Variants in SEPTIN9 observed in about 807,000 individuals in gnomAD.
The protein encoded by SEPTIN9 is septin 9.
In SEPTIN9, 13 loss-of-function variants were observed where a neutral mutation model predicts 56.6. That is an observed-to-expected ratio of 0.23 (90% CI 0.15 to 0.37). The LOEUF (loss-of-function observed/expected upper bound fraction) is 0.37. SEPTIN9 is among the 10% of genes least tolerant of loss of function. The pLI is 1.00. For synonymous variants in SEPTIN9, 332 were observed against 334.1 expected (o/e 0.99, Z 0.07); for missense variants, 650 against 823.1 (o/e 0.79, Z 2.57).
chr17:77,445,428 G>C lies in SEPTIN9; in HGVS notation c.722-36716G>C, dbSNP rs2037701668. ...GGAAAAGAGTTGGCAGGAAGGCTGAGCTCTGTGCTCACAACCTGGCTTGGT... is the reference window on the plus strand; with the variant it reads ...GGAAAAGAGTTGGCAGGAAGGCTGACCTCTGTGCTCACAACCTGGCTTGGT... On this transcript the variant is annotated intron_variant, in intron 3 of 11. Coordinates refer to ENST00000427177, the MANE Select transcript of SEPTIN9 (RefSeq NM_001113491.2). This position sits in a 1 kb window ranked among gnomAD's most constrained non-coding sequence, Gnocchi z 4.7. The C allele has an allele frequency of 2.1e-6, 1 of 469,948 alleles. No homozygotes were observed. The allele number at this position is 469,948 out of a possible 1,614,324, so 29.1% of individuals were successfully genotyped here.
intron 2 of SEPTIN9, among the ~76,000 whole-genome samples, chr17:77,360,195 G>A (rs1353148017): frequency 6.7e-6 from 1 of 149,952 alleles, no homozygotes. Flanking sequence ...GGCCAGGTCT[G>A]TAGCCACATG....
rs371053103 is a variant in SEPTIN9, at chr17:77,297,567, C to T, written c.20-9574C>T. Among the ~76,000 whole-genome samples, 20 of 152,336 alleles carry T rather than the reference C, an allele frequency of 1.3e-4. No homozygotes were observed. In the East Asian group the frequency reaches 3.3e-3, roughly 25 times the overall value. ...AGAATCGTGGTTGCATGGTGATGGT[C>T]TCCATCCCGTCTAAAGAAGTTGAAG... On this transcript the variant is annotated intron_variant, in intron 1 of 11. Transcript: ENST00000427177.
intron 1 of SEPTIN9, among the ~76,000 whole-genome samples, chr17:77,301,835 AGAG>A (rs1367077133): frequency 1.3e-5 from 2 of 152,238 alleles, no homozygotes; most frequent in East Asian, 3.8e-4. Context: ...GACTTTTGAT[AGAG>A]GAGAGACTGT....
intron 2 of SEPTIN9, among the ~76,000 whole-genome samples, chr17:77,393,658 C>T (rs890144725): frequency 6.6e-6 from 1 of 152,176 alleles, no homozygotes; most frequent in Non-Finnish European, 1.5e-5. Flanking sequence ...GGCACAATCT[C>T]GGCTCACCAC....
chr17:77,395,485 C>T (rs1485215008), intron 2 of SEPTIN9, among the ~76,000 whole-genome samples: 7 of 149,416 alleles, frequency 4.7e-5, no homozygotes, highest in Non-Finnish European at 8.9e-5. Context: ...GCCGAGATTG[C>T]GCCACTGCAC....
intron 2 of SEPTIN9, among the ~76,000 whole-genome samples, chr17:77,335,508 ATATG>A (rs1428052109): frequency 3.3e-5 from 5 of 150,890 alleles, no homozygotes; most frequent in African/African-American, 7.3e-5. Flanking sequence ...TGTTGACTGT[ATATG>A]TAGTCCTATA....
At position 77,421,043 on chromosome 17, in the gene SEPTIN9, G is replaced by T. The variant is rs2036682982; in HGVS notation, c.721+18340G>T. On this transcript the variant is annotated intron_variant, in intron 3 of 11. Transcript: ENST00000427177. The surrounding 1 kb of genome is among the most constrained non-coding windows in gnomAD (Gnocchi z 4.6). ...GCTGCTGAGCTGTCCTGGAGACGGG[G>T]TACTGTGCAGTGGTCGGGGTAGGGG... 1.3e-5 allele frequency among the ~76,000 whole-genome samples: 2 copies of T among 152,192 alleles called. No individual in the cohort carries two copies. Among genetic ancestry groups the T allele is most frequent in the African/African-American group, 4.8e-5 (2 of 41,444 alleles).
At chr17:77,414,059 A>G (rs1332598305) in intron 3 of SEPTIN9, among the ~76,000 whole-genome samples, 1 of 148,870 alleles carries the variant, frequency 6.7e-6, no homozygotes, top group African/African-American at 2.5e-5. Context: ...GTAAGCTACT[A>G]TACAATCCAC....
intron 2 of SEPTIN9, among the ~76,000 whole-genome samples, chr17:77,372,907 G>T (rs2034766557): frequency 6.6e-6 from 1 of 152,236 alleles, no homozygotes; most frequent in Non-Finnish European, 1.5e-5. Context: ...CAGAGCGCGC[G>T]GCGGCGGTGA....
chr17:77,310,959 G>A lies in SEPTIN9; in HGVS notation c.76+3762G>A, dbSNP rs531193991. Among the ~76,000 whole-genome samples the A allele has an allele frequency of 2.0e-5, 3 of 152,220 alleles. No homozygotes were observed. The highest frequency in any genetic ancestry group is 2.1e-4 in the South Asian group (1 of 4,820). On this transcript the variant is annotated intron_variant, in intron 2 of 11. Coordinates refer to ENST00000427177, the MANE Select transcript of SEPTIN9 (RefSeq NM_001113491.2). This position sits in a 1 kb window ranked among gnomAD's most constrained non-coding sequence, Gnocchi z 4.7. ...CATCCCTTCTGTCCTAGGTTGAACC[G>A]TGTCCCCCACAAACTCATGTCCACC...
In SEPTIN9 at chr17:77,323,178, G is replaced by T. The variant is rs988298717; in HGVS notation, c.76+15981G>T. On this transcript the variant is annotated intron_variant, in intron 2 of 11. Transcript: ENST00000427177. The surrounding 1 kb of genome is among the most constrained non-coding windows in gnomAD (Gnocchi z 6.8). ...TGAACGGGGGCCTGGGTACTCTCCCGCCCTCCCTGGGGGCTGTGGCCTTCC... is the reference window on the plus strand; with the variant it reads ...TGAACGGGGGCCTGGGTACTCTCCCTCCCTCCCTGGGGGCTGTGGCCTTCC... 6.6e-6 allele frequency among the ~76,000 whole-genome samples: 1 copy of T among 152,120 alleles called. No individual in the cohort carries two copies. Among genetic ancestry groups the T allele is most frequent in the African/African-American group, 2.4e-5 (1 of 41,414 alleles).
chr17:77,292,324 C>G (rs1020429268), intron 1 of SEPTIN9, among the ~76,000 whole-genome samples: 4 of 152,164 alleles, frequency 2.6e-5, no homozygotes, highest in Non-Finnish European at 5.9e-5. Context: ...ATGGCACATC[C>G]CTGTGTTATA....
intron 3 of SEPTIN9, among the ~76,000 whole-genome samples, chr17:77,439,152 C>G (rs908488728): frequency 2.0e-5 from 3 of 152,160 alleles, no homozygotes; most frequent in Admixed American, 1.3e-4. Flanking sequence ...CAGAGTCATG[C>G]TGGAATATCA....
At position 77,431,522 on chromosome 17, in the gene SEPTIN9, A is replaced by T. The variant is rs186454189; in HGVS notation, c.721+28819A>T. ...CTTATTAATTTGTTTTGAACTAAAGATGGTTTTCTCTGCTTTGTATGAGAA... is the reference window on the plus strand; with the variant it reads ...CTTATTAATTTGTTTTGAACTAAAGTTGGTTTTCTCTGCTTTGTATGAGAA... On this transcript the variant is annotated intron_variant, in intron 3 of 11. Coordinates refer to ENST00000427177, the MANE Select transcript of SEPTIN9 (RefSeq NM_001113491.2). Among the ~76,000 whole-genome samples, 28 of 152,240 alleles carry T rather than the reference A, an allele frequency of 1.8e-4. 1 individual carries two copies. The highest frequency in any genetic ancestry group is 1.4e-3 in the Admixed American group (21 of 15,296).
chr17:77,401,662 C>T (rs1396972051), intron 2 of SEPTIN9, among the ~76,000 whole-genome samples: 1 of 151,864 alleles, frequency 6.6e-6, no homozygotes, highest in Non-Finnish European at 1.5e-5. Flanking sequence ...AGGAGAATCG[C>T]TTGAACCCGG....
intron 1 of SEPTIN9, among the ~76,000 whole-genome samples, chr17:77,296,589 T>C (rs1466863971): frequency 6.6e-6 from 1 of 152,112 alleles, no homozygotes; most frequent in Non-Finnish European, 1.5e-5. Context: ...CAGTGACTCT[T>C]ACCTGTAATA....
chr17:77,358,652 TAAATA>T (rs991251171), intron 2 of SEPTIN9, among the ~76,000 whole-genome samples: 7 of 151,962 alleles, frequency 4.6e-5, no homozygotes, highest in African/African-American at 7.3e-5. Context: ...AAATAATAAA[TAAATA>T]AAATAAAATA....
chr17:77,452,038 C>T (rs1027703991), intron 3 of SEPTIN9, among the ~76,000 whole-genome samples: 1 of 152,220 alleles, frequency 6.6e-6, no homozygotes, highest in African/African-American at 2.4e-5. Context: ...CCCCGCGGCG[C>T]CGGCACTGGG....
At chr17:77,396,167 T>C (rs79915364) in intron 2 of SEPTIN9, among the ~76,000 whole-genome samples, 3,188 of 152,270 alleles carry the variant, frequency 0.021, 100 homozygotes, top group African/African-American at 0.071. Flanking sequence ...TGCTTTACCT[T>C]CCAGTGACAG....
Sources: allele counts gnomAD v4.1 joint callset (sites outside exome capture counted in the v4.1 genomes callset), GRCh38; gene constraint gnomAD v4.1.1; non-coding constraint Gnocchi (gnomAD v3.1); transcripts MANE v1.5; gene names NCBI Gene and HGNC (gene_info 2026-07-23, HGNC 2026-07-21).